Variants in EXOC6B observed in about 807,000 individuals in gnomAD.
The protein encoded by EXOC6B is SEC15 homolog B.
A neutral mutation model predicts 113.5 loss-of-function variants in EXOC6B; 54 were observed. That is an observed-to-expected ratio of 0.48 (90% CI 0.38 to 0.60). The LOEUF (loss-of-function observed/expected upper bound fraction) is 0.60. Ranked by LOEUF, EXOC6B falls within the 20% of genes least tolerant of loss-of-function variation. The pLI, the probability that EXOC6B is intolerant of heterozygous loss-of-function variation, is 0.00. For missense variants in EXOC6B, 797 were observed against 977.5 expected, an observed-to-expected ratio of 0.82 and a Z score of 2.46; for synonymous variants, 357 against 339.0, an observed-to-expected ratio of 1.05 and a Z score of -0.58.
At chr2:72,691,269 T>C (rs1368010096) in intron 6 of EXOC6B, among the ~76,000 whole-genome samples, 1 of 152,156 alleles carries the variant, frequency 6.6e-6, no homozygotes, top group Non-Finnish European at 1.5e-5. Flanking sequence ...ACAAATTCTC[T>C]GTGAGCACTG....
At chr2:72,385,800 C>A (rs1428910780) in intron 18 of EXOC6B, among the ~76,000 whole-genome samples, 1 of 152,048 alleles carries the variant, frequency 6.6e-6, no homozygotes, top group Non-Finnish European at 1.5e-5. Flanking sequence ...CAAATTAAAA[C>A]CACAATGAGA....
intron 6 of EXOC6B, among the ~76,000 whole-genome samples, chr2:72,629,690 C>T (rs1032633895): frequency 6.6e-6 from 1 of 152,142 alleles, no homozygotes; most frequent in African/African-American, 2.4e-5. Context: ...TATTCAATTC[C>T]TATTTCTTCA....
chr2:72,493,802 T>C lies in EXOC6B; in HGVS notation c.1554-1373A>G, dbSNP rs557533460. On this transcript the variant is annotated intron_variant, in intron 15 of 21. Coordinates refer to ENST00000272427, the MANE Select transcript of EXOC6B (RefSeq NM_015189.3). ...GTATAATGCTTTTTGGCCTCTTCTGTCTAGTGTAAAAGAGAAAACTAAGAG... is the reference window on the plus strand; with the variant it reads ...GTATAATGCTTTTTGGCCTCTTCTGCCTAGTGTAAAAGAGAAAACTAAGAG... 3.3e-5 allele frequency among the ~76,000 whole-genome samples: 5 copies of C among 152,212 alleles called. No individual in the cohort carries two copies. In the South Asian group the frequency reaches 1.0e-3, roughly 32 times the overall value.
intron 1 of EXOC6B, among the ~76,000 whole-genome samples, chr2:72,776,895 T>C (rs747471988): frequency 6.6e-5 from 10 of 151,992 alleles, no homozygotes; most frequent in Non-Finnish European, 8.8e-5. Flanking sequence ...AAACTCCAAG[T>C]AGAATAAACT....
At chr2:72,451,660 G>GTGTA (rs1227141698) in intron 18 of EXOC6B, among the ~76,000 whole-genome samples, 3 of 150,274 alleles carry the variant, frequency 2.0e-5, no homozygotes, top group African/African-American at 7.4e-5. Flanking sequence ...GTGCCTGTGT[G>GTGTA]TGTGTGTGTG....
chr2:72,572,060 A>G (rs1303219665), intron 7 of EXOC6B, among the ~76,000 whole-genome samples: 1 of 152,238 alleles, frequency 6.6e-6, no homozygotes, highest in African/African-American at 2.4e-5. Flanking sequence ...CTGGTAATAC[A>G]TAAGCAACAG....
intron 6 of EXOC6B, among the ~76,000 whole-genome samples, chr2:72,606,092 T>A (rs574966318): frequency 3.4e-4 from 52 of 152,188 alleles, no homozygotes; most frequent in Non-Finnish European, 5.6e-4. Flanking sequence ...AAATACAGAT[T>A]TCTCAGAGAC....
intron 20 of EXOC6B, among the ~76,000 whole-genome samples, chr2:72,251,279 C>T (rs1193237440): frequency 2.6e-5 from 4 of 152,090 alleles, no homozygotes; most frequent in Non-Finnish European, 5.9e-5. Flanking sequence ...AAAGTGTATA[C>T]AGGAATTTAT....
At chr2:72,764,065 C>T (rs763002597) in intron 1 of EXOC6B, among the ~76,000 whole-genome samples, 36 of 151,832 alleles carry the variant, frequency 2.4e-4, no homozygotes, top group Admixed American at 1.2e-3. Context: ...GGCGACAGAG[C>T]GAGCACTTGT....
chr2:72,199,289 C>T (rs888149697), intron 20 of EXOC6B, among the ~76,000 whole-genome samples: 1 of 152,100 alleles, frequency 6.6e-6, no homozygotes, highest in African/African-American at 2.4e-5. Flanking sequence ...CACTCAATTC[C>T]AGGATCCTCA....
chr2:72,258,122 C>T (rs189400963), intron 20 of EXOC6B, among the ~76,000 whole-genome samples: 5 of 152,222 alleles, frequency 3.3e-5, no homozygotes, highest in Admixed American at 1.3e-4. Flanking sequence ...CCACCATTCT[C>T]GCAACTATTT....
chr2:72,682,027 A>ATCTCTC lies in EXOC6B; in HGVS notation c.669+36070_669+36075dup, dbSNP rs112745780. Reference sequence around the variant, plus strand: ...AAAAAAAAAAAAAAGAACTAATACAATCTCTCTCTCTCTCTCTCAGAAGGC... The same window carrying ATCTCTC: ...AAAAAAAAAAAAAAGAACTAATACAATCTCTCTCTCTCTCTCTCTCTCTCAGAAGGC... On this transcript the variant is annotated intron_variant, in intron 6 of 21. Transcript: ENST00000272427. Among the ~76,000 whole-genome samples, 451 of 148,346 alleles carry ATCTCTC rather than the reference A, an allele frequency of 3.0e-3. 2 individuals carry two copies. Among genetic ancestry groups the ATCTCTC allele is most frequent in the Non-Finnish European group, 6.0e-3 (400 of 67,004 alleles).
intron 6 of EXOC6B, among the ~76,000 whole-genome samples, chr2:72,672,063 G>C (rs761923456): frequency 1.3e-5 from 2 of 152,048 alleles, no homozygotes; most frequent in Non-Finnish European, 2.9e-5. Flanking sequence ...CAAGGATATG[G>C]AGGACGGGGT....
chr2:72,553,002 C>T (rs553832450), intron 8 of EXOC6B, among the ~76,000 whole-genome samples: 1 of 151,740 alleles, frequency 6.6e-6, no homozygotes, highest in Admixed American at 6.6e-5. Flanking sequence ...ATGATGATTC[C>T]AGTCAATACA....
chr2:72,781,412 A>G (rs928067307), intron 1 of EXOC6B, among the ~76,000 whole-genome samples: 1 of 152,190 alleles, frequency 6.6e-6, no homozygotes, highest in African/African-American at 2.4e-5. Context: ...GCTCTCCTCT[A>G]CAATGTCCTT....
At chr2:72,817,989 T>A (rs1686359459) in intron 1 of EXOC6B, among the ~76,000 whole-genome samples, 1 of 152,124 alleles carries the variant, frequency 6.6e-6, no homozygotes, top group Non-Finnish European at 1.5e-5. Context: ...TCATTGTTTT[T>A]GAGACAGAGT....
chr2:72,217,798 G>C lies in EXOC6B; in HGVS notation c.2197-33611C>G, dbSNP rs1165216096. On this transcript the variant is annotated intron_variant, in intron 20 of 21. Transcript: ENST00000272427. ...CTTCCAGGAATTGAAAAGATGATGA[G>C]CATCTTGAAGTCTCCTTGATTATGC... 3.3e-5 allele frequency among the ~76,000 whole-genome samples: 5 copies of C among 152,170 alleles called. No homozygotes were observed. In the East Asian group the frequency reaches 9.6e-4, roughly 29 times the overall value.
At chr2:72,326,184 C>A (rs1688118304) in intron 20 of EXOC6B, among the ~76,000 whole-genome samples, 1 of 152,088 alleles carries the variant, frequency 6.6e-6, no homozygotes, top group African/African-American at 2.4e-5. Flanking sequence ...CAACCAGTAC[C>A]ACTACAACAG....
At chr2:72,725,742 C>T (rs1222766758) in intron 5 of EXOC6B, among the ~76,000 whole-genome samples, 7 of 152,148 alleles carry the variant, frequency 4.6e-5, no homozygotes, top group African/African-American at 1.4e-4. Flanking sequence ...TTGGAAACAT[C>T]TATGCTGCTG....
Sources: allele counts gnomAD v4.1 joint callset (sites outside exome capture counted in the v4.1 genomes callset), GRCh38; gene constraint gnomAD v4.1.1; transcripts MANE v1.5; gene names NCBI Gene and HGNC (gene_info 2026-07-23, HGNC 2026-07-21).